MAMDC2: variants seen among roughly 807,000 people sequenced by gnomAD.
The protein encoded by MAMDC2 is MAM domain-containing protein 2.
In MAMDC2, 57 loss-of-function variants were observed where a neutral mutation model predicts 89.8. That is an observed-to-expected ratio of 0.63 (90% CI 0.51 to 0.79). MAMDC2 has a LOEUF of 0.79. Ranked by LOEUF, MAMDC2 falls within the 30% of genes least tolerant of loss-of-function variation. The pLI is 0.00. For synonymous variants in MAMDC2, 313 were observed against 293.4 expected (o/e 1.07, Z -0.68); for missense variants, 800 against 820.6 (o/e 0.97, Z 0.31).
chr9:70,140,416 C>A, intron 8 of MAMDC2, 128 bp downstream of exon 8: 1 of 971,072 alleles, frequency 1.0e-6, no homozygotes, highest in Non-Finnish European at 1.5e-6. Flanking sequence ...CAAAGACAAT[C>A]AGTAGTCTTG....
chr9:70,184,899 T>C (rs1242875403), intron 11 of MAMDC2, among the ~76,000 whole-genome samples: 1 of 152,146 alleles, frequency 6.6e-6, no homozygotes, highest in African/African-American at 2.4e-5. Flanking sequence ...AAACTCATTC[T>C]CCATCCAGTT....
chr9:70,116,926 C>G (rs1351944291), intron 5 of MAMDC2, among the ~76,000 whole-genome samples: 2 of 152,126 alleles, frequency 1.3e-5, no homozygotes, highest in African/African-American at 4.8e-5. Context: ...TCTTCCTCTT[C>G]TTCCTTGGCT....
intron 11 of MAMDC2, among the ~76,000 whole-genome samples, chr9:70,199,956 T>C (rs897397119): frequency 2.6e-5 from 4 of 152,222 alleles, no homozygotes; most frequent in Admixed American, 2.0e-4. Flanking sequence ...TATTAGCCTT[T>C]TGTCAGATGA....
At chr9:70,170,798 C>T in intron 11 of MAMDC2, 167 bp downstream of exon 11, 1 of 582,028 alleles carries the variant, frequency 1.7e-6, no homozygotes, top group Non-Finnish European at 2.8e-6. Context: ...TTGAATATCT[C>T]ATCCTTTCTG....
At chr9:70,077,860 G>A (rs1197734428) in intron 2 of MAMDC2, among the ~76,000 whole-genome samples, 1 of 152,180 alleles carries the variant, frequency 6.6e-6, no homozygotes, top group Non-Finnish European at 1.5e-5. Context: ...TTCAGTCCAG[G>A]AGAGGCAAGC....
intron 11 of MAMDC2, among the ~76,000 whole-genome samples, chr9:70,176,336 A>G (rs539167087): frequency 2.0e-4 from 31 of 152,346 alleles, no homozygotes; most frequent in Middle Eastern, 3.4e-3. Context: ...TAGCTAACAT[A>G]GTATTGCTTT....
At chr9:70,111,918 C>A (rs1828520442) in intron 4 of MAMDC2, among the ~76,000 whole-genome samples, 1 of 152,150 alleles carries the variant, frequency 6.6e-6, no homozygotes, top group African/African-American at 2.4e-5. Flanking sequence ...GAGGAGTTTC[C>A]AGTACCTGTA....
intron 5 of MAMDC2, among the ~76,000 whole-genome samples, chr9:70,120,744 C>T (rs1004450500): frequency 6.6e-6 from 1 of 152,078 alleles, no homozygotes; most frequent in African/African-American, 2.4e-5. Context: ...AGAAGTCTCA[C>T]GTAATATTCA....
At chr9:70,046,623 C>T (rs892433874) in intron 2 of MAMDC2, among the ~76,000 whole-genome samples, 34 of 152,232 alleles carry the variant, frequency 2.2e-4, no homozygotes, top group African/African-American at 4.8e-5. Flanking sequence ...GCTGAGTTGG[C>T]ACCTCTGCCC....
chr9:70,076,748 A>G (rs1326981208), intron 2 of MAMDC2, among the ~76,000 whole-genome samples: 5 of 152,116 alleles, frequency 3.3e-5, no homozygotes, highest in African/African-American at 1.2e-4. Flanking sequence ...AGAATGTTTT[A>G]TTTTGTACTC....
intron 6 of MAMDC2, among the ~76,000 whole-genome samples, chr9:70,127,092 C>A (rs992242188): frequency 1.3e-5 from 2 of 152,104 alleles, no homozygotes; most frequent in Non-Finnish European, 2.9e-5. Context: ...TCTTTTCGAC[C>A]TTTTTCTAAG....
At chr9:70,084,679 C>T (rs1342511715) in intron 2 of MAMDC2, among the ~76,000 whole-genome samples, 1 of 152,042 alleles carries the variant, frequency 6.6e-6, no homozygotes, top group African/African-American at 2.4e-5. Context: ...AGTGAATAAG[C>T]CATTTGGAAT....
intron 2 of MAMDC2, among the ~76,000 whole-genome samples, chr9:70,106,219 A>G (rs1244515846): frequency 6.6e-6 from 1 of 152,116 alleles, no homozygotes; most frequent in Non-Finnish European, 1.5e-5. Flanking sequence ...GGGAAAGGAA[A>G]AGGGGAGGGA....
At chr9:70,099,331 C>T (rs1264275881) in intron 2 of MAMDC2, among the ~76,000 whole-genome samples, 1 of 152,192 alleles carries the variant, frequency 6.6e-6, no homozygotes, top group Non-Finnish European at 1.5e-5. Flanking sequence ...ATTTTCTATA[C>T]ATTTTGAGAA....
Position 70,151,610 on chromosome 9 carries a change from G to A in MAMDC2, c.1404+7791G>A, listed in dbSNP as rs60648106. On this transcript the variant is annotated intron_variant, in intron 9 of 13. Transcript: ENST00000377182. ...AGTCAACTTTGAAGCCTGCCTTTTAGTGCAGGGTATCTTTGGGTGGTCAAG... is the reference window on the plus strand; with the variant it reads ...AGTCAACTTTGAAGCCTGCCTTTTAATGCAGGGTATCTTTGGGTGGTCAAG... Among the ~76,000 whole-genome samples the A allele has an allele frequency of 2.9e-3, 448 of 152,304 alleles. 1 individual carries two copies. The highest frequency in any genetic ancestry group is 0.01 in the African/African-American group (429 of 41,564).
chr9:70,125,059 G>A (rs939150288), intron 5 of MAMDC2, among the ~76,000 whole-genome samples: 3 of 152,206 alleles, frequency 2.0e-5, no homozygotes, highest in Non-Finnish European at 4.4e-5. Flanking sequence ...AAGATATTAA[G>A]CTGTAATTAT....
intron 2 of MAMDC2, among the ~76,000 whole-genome samples, chr9:70,091,909 A>G (rs1204183161): frequency 1.3e-5 from 2 of 152,234 alleles, no homozygotes; most frequent in African/African-American, 4.8e-5. Flanking sequence ...TTAGGCACAT[A>G]GTCATACATT....
chr9:70,046,547 C>G (rs2997656), intron 2 of MAMDC2, among the ~76,000 whole-genome samples: 2 of 152,224 alleles, frequency 1.3e-5, no homozygotes, highest in African/African-American at 4.8e-5. Flanking sequence ...CAGCCTGCCT[C>G]TGGTCAGTGG....
chr9:70,168,090 C>T (rs1209130729), intron 9 of MAMDC2, among the ~76,000 whole-genome samples: 5 of 152,336 alleles, frequency 3.3e-5, no homozygotes, highest in East Asian at 1.9e-4. Flanking sequence ...TTCTCTGTCA[C>T]GCAGTTAACT....
Sources: allele counts gnomAD v4.1 joint callset (sites outside exome capture counted in the v4.1 genomes callset), GRCh38; gene constraint gnomAD v4.1.1; transcripts MANE v1.5; gene names NCBI Gene and HGNC (gene_info 2026-07-23, HGNC 2026-07-21).